Variants in ALG8 observed in about 807,000 individuals in gnomAD.
ALG8 encodes the protein dolichyl pyrophosphate Glc1Man9GlcNAc2 alpha-1,3-glucosyltransferase.
In ALG8, 48 loss-of-function variants were observed where a neutral mutation model predicts 70.2. That is an observed-to-expected ratio of 0.68 (90% CI 0.54 to 0.87). ALG8 has a LOEUF of 0.87. Ranked by LOEUF, ALG8 falls within the 40% of genes least tolerant of loss-of-function variation. The pLI is 0.00. For missense variants in ALG8, 572 were observed against 608.7 expected (o/e 0.94, Z 0.64); for synonymous variants, 234 against 229.0 (o/e 1.02, Z -0.20).
chr11:78,104,260 G>T, intron 11 of ALG8, 96 bp downstream of exon 11: 1 of 1,193,578 alleles, frequency 8.4e-7, no homozygotes, highest in Non-Finnish European at 1.2e-6. Context: ...CTATCCAAGA[G>T]ATTTTAGAGT....
At chr11:78,122,791 C>A (rs113390502) in intron 3 of ALG8, among the ~76,000 whole-genome samples, 1,825 of 152,292 alleles carry the variant, frequency 0.012, 19 homozygotes, top group Middle Eastern at 0.044. Context: ...CCTTCCCTTT[C>A]AACTCTTGCC....
intron 3 of ALG8, among the ~76,000 whole-genome samples, chr11:78,123,045 T>C (rs1404637175): frequency 4.7e-5 from 7 of 148,784 alleles, no homozygotes; most frequent in Non-Finnish European, 1.1e-4. Flanking sequence ...CAGCGGCTCA[T>C]GCCTGTAATC....
intron 1 of ALG8, among the ~76,000 whole-genome samples, chr11:78,132,613 A>C (rs191464280): frequency 2.0e-4 from 31 of 152,180 alleles, no homozygotes; most frequent in Non-Finnish European, 2.4e-4. Context: ...AGCTGCCCAA[A>C]TAGGTCAATA....
rs1317966961 is a variant in ALG8, at chr11:78,106,949, A to G, written c.1039-3T>C. 1 of 1,613,890 alleles carries G rather than the reference A, an allele frequency of 6.2e-7. No individual in the cohort carries two copies. Among genetic ancestry groups the G allele is most frequent in the Non-Finnish European group, 8.5e-7 (1 of 1,179,970 alleles). On this transcript the variant is annotated splice_region_variant and splice_polypyrimidine_tract_variant and intron_variant, in intron 9 of 12. Coordinates refer to ENST00000299626, the MANE Select transcript of ALG8 (RefSeq NM_024079.5). ...AACCAAAGACAGAAAATAGAGGGCT[A>G]GAAACAACAGGCAAAGATAAACTTC...
Position 78,125,182 on chromosome 11 carries a change from G to A in ALG8, c.175-968C>T, listed in dbSNP as rs756447325. ...CGAGTAGCTGGGACTACAGGAGCCC[G>A]CCACCACACCCGGCTAATTTTTTGT... On this transcript the variant is annotated intron_variant, in intron 2 of 12. Transcript: ENST00000299626. 4.7e-4 allele frequency among the ~76,000 whole-genome samples: 71 copies of A among 151,778 alleles called. No individual in the cohort carries two copies. The Middle Eastern group carries it at 0.027, about 58-fold the overall frequency.
intron 2 of ALG8, among the ~76,000 whole-genome samples, chr11:78,125,071 C>A (rs999679744): frequency 2.7e-5 from 4 of 150,106 alleles, no homozygotes; most frequent in Non-Finnish European, 5.9e-5. Flanking sequence ...CTTGCTCTGT[C>A]ACCCAGGCTG....
At chr11:78,129,874 C>T (rs1861229040) in intron 1 of ALG8, among the ~76,000 whole-genome samples, 2 of 142,190 alleles carry the variant, frequency 1.4e-5, no homozygotes, top group Admixed American at 6.7e-5. Flanking sequence ...AGTTTGAGAA[C>T]CATGCTATCT....
intron 5 of ALG8, among the ~76,000 whole-genome samples, chr11:78,118,381 T>A (rs7115572): frequency 0.44 from 67,436 of 151,640 alleles, 15,097 homozygotes; most frequent in Non-Finnish European, 0.46. Flanking sequence ...TTTGGGAGGC[T>A]GAGGCGGGCG....
intron 4 of ALG8, 24 bp downstream of exon 4, chr11:78,121,041 T>C (rs373231474): frequency 8.5e-6 from 13 of 1,532,778 alleles, no homozygotes; most frequent in Middle Eastern, 1.7e-4. Flanking sequence ...AGTAAGGGAA[T>C]AGTACATAGA....
intron 1 of ALG8, among the ~76,000 whole-genome samples, chr11:78,134,137 T>C (rs1210973379): frequency 6.6e-6 from 1 of 150,988 alleles, no homozygotes. Flanking sequence ...TGTGGCAAAC[T>C]GGTTTTTTTT....
intron 2 of ALG8, among the ~76,000 whole-genome samples, chr11:78,127,106 G>A (rs1861113394): frequency 6.6e-6 from 1 of 151,846 alleles, no homozygotes; most frequent in Non-Finnish European, 1.5e-5. Context: ...CAGCTCCTGA[G>A]TAGCTGGGAT....
chr11:78,127,758 G>GTCTCCTTCTACACC (rs1861143048), intron 1 of ALG8, among the ~76,000 whole-genome samples: 1 of 146,470 alleles, frequency 6.8e-6, no homozygotes, highest in East Asian at 2.0e-4. Flanking sequence ...CACCCAGGCT[G>GTCTCCTTCTACACC]GAGTGTAGTG....
Position 78,106,866 on chromosome 11 carries a change from G to T in ALG8, c.1119C>A (p.Ser373=). Residue 373 remains serine, a synonymous_variant, in exon 10 of 13, where the codon TCC becomes TCA. Coordinates refer to ENST00000299626, the MANE Select transcript of ALG8 (RefSeq NM_024079.5). The part of the protein sequence containing the change: ...LRCLTLCALS[S]FMFGWHVHEK... ...CATGAACATGCCACCCAAACATAAA[G>T]GAGCTCAAGGCACAAAGAGTTAGAC... 6.2e-7 allele frequency: 1 copy of T among 1,614,122 alleles called. No homozygotes were observed. The highest frequency in any genetic ancestry group is 8.5e-7 in the Non-Finnish European group (1 of 1,180,024).
At chr11:78,133,022 A>G (rs1861374161) in intron 1 of ALG8, among the ~76,000 whole-genome samples, 2 of 151,814 alleles carry the variant, frequency 1.3e-5, no homozygotes, top group African/African-American at 4.8e-5. Flanking sequence ...TTTTCAGTAG[A>G]GACGGGGTTT....
At chr11:78,116,786 A>C (rs966157770) in intron 5 of ALG8, among the ~76,000 whole-genome samples, 4 of 152,168 alleles carry the variant, frequency 2.6e-5, no homozygotes, top group African/African-American at 9.7e-5. Context: ...ATGAGATAAC[A>C]GTCCTGATGT....
chr11:78,102,329 T>A (rs1479723633), intron 12 of ALG8, among the ~76,000 whole-genome samples: 1 of 152,226 alleles, frequency 6.6e-6, no homozygotes, highest in Non-Finnish European at 1.5e-5. Context: ...TTTGTTCTAT[T>A]CTCTCGTTTC....
intron 1 of ALG8, among the ~76,000 whole-genome samples, chr11:78,132,541 T>C (rs896175574): frequency 1.3e-5 from 2 of 152,228 alleles, no homozygotes; most frequent in Non-Finnish European, 2.9e-5. Context: ...ATCTTTCCAA[T>C]TTCACTGTGC....
At chr11:78,138,921 T>C in intron 1 of ALG8, 2 of 401,352 alleles carry the variant, frequency 5.0e-6, no homozygotes, top group Non-Finnish European at 1.0e-5. Context: ...ACTTCTTTCC[T>C]GCCACAGGGC....
intron 5 of ALG8, 105 bp from the exon 6 acceptor site, chr11:78,114,497 G>GAA: frequency 7.4e-7 from 1 of 1,356,680 alleles, no homozygotes; most frequent in Non-Finnish European, 1.0e-6. Context: ...GACATTAAAG[G>GAA]AAAAACGGGT....
Sources: gnomAD v4.1 joint callset for allele counts (sites outside exome capture counted in the v4.1 genomes callset) on GRCh38, gnomAD v4.1.1 for gene constraint, MANE v1.5 for transcripts, NCBI Gene and HGNC (gene_info 2026-07-23, HGNC 2026-07-21) for gene names.